Variants in RIMS2 observed in about 807,000 individuals in gnomAD.
The protein encoded by RIMS2 is regulating synaptic membrane exocytosis 2, also known as regulating synaptic membrane exocytosis protein 2.
RIMS2 carries 59 observed loss-of-function variants against 174.4 expected under a neutral mutation model. The observed-to-expected ratio is 0.34, with a 90% CI of 0.27 to 0.42. RIMS2 has a LOEUF of 0.42. Ranked by LOEUF, RIMS2 falls within the 10% of genes least tolerant of loss-of-function variation. The probability of loss-of-function intolerance (pLI) is 1.00; values close to 1 mark genes in which losing one functional copy is unlikely to be tolerated. For missense variants in RIMS2, 1,620 were observed against 1,666.3 expected (o/e 0.97, Z 0.48); for synonymous variants, 606 against 572.5 (o/e 1.06, Z -0.84).
chr8:104,065,729 A>G (rs188053256), intron 19 of RIMS2, among the ~76,000 whole-genome samples: 122 of 152,288 alleles, frequency 8.0e-4, no homozygotes, highest in African/African-American at 2.8e-3. Flanking sequence ...GCTGACTGAA[A>G]TAGTCGTTTG....
intron 3 of RIMS2, among the ~76,000 whole-genome samples, chr8:103,791,666 C>G (rs919167578): frequency 5.9e-5 from 9 of 152,226 alleles, no homozygotes; most frequent in African/African-American, 2.2e-4. Context: ...ATGCTGTGTT[C>G]AGGAGAACCA....
chr8:104,041,342 AAGG>A, intron 19 of RIMS2: 2 of 697,584 alleles, frequency 2.9e-6, no homozygotes, highest in Non-Finnish European at 5.3e-6. Flanking sequence ...TGGACTCTAC[AAGG>A]AGAAGATATG....
chr8:103,609,988 A>T (rs2095310543), intron 1 of RIMS2, among the ~76,000 whole-genome samples: 1 of 152,032 alleles, frequency 6.6e-6, no homozygotes, highest in Admixed American at 6.5e-5. Context: ...CTATTTGGTT[A>T]TGTCATCTCT....
intron 1 of RIMS2, among the ~76,000 whole-genome samples, chr8:103,588,417 T>C (rs1226407416): frequency 6.6e-6 from 1 of 151,844 alleles, no homozygotes; most frequent in Non-Finnish European, 1.5e-5. Flanking sequence ...ATCCTAAAAT[T>C]TATATGGAAC....
intron 1 of RIMS2, among the ~76,000 whole-genome samples, chr8:103,679,091 T>A (rs796070256): frequency 1.5e-4 from 23 of 152,092 alleles, no homozygotes; most frequent in African/African-American, 5.1e-4. Flanking sequence ...AATGGTAAGT[T>A]TCCATGAAGA....
At chr8:103,940,696 CA>C (rs2082324827) in intron 13 of RIMS2, among the ~76,000 whole-genome samples, 1 of 151,780 alleles carries the variant, frequency 6.6e-6, no homozygotes, top group Non-Finnish European at 1.5e-5. Flanking sequence ...ACCAGTGTGG[CA>C]AAAACCTGTC....
chr8:103,743,833 T>C (rs77172204), intron 2 of RIMS2, among the ~76,000 whole-genome samples: 1,739 of 152,320 alleles, frequency 0.011, 23 homozygotes, highest in South Asian at 0.049. Flanking sequence ...CTTGTATTTC[T>C]AGTTTTCTAA....
chr8:104,017,602 G>A (rs938139664), intron 19 of RIMS2, among the ~76,000 whole-genome samples: 1 of 143,632 alleles, frequency 7.0e-6, no homozygotes, highest in South Asian at 2.2e-4. Flanking sequence ...TTTAGTAATA[G>A]ACCAAGTTTA....
chr8:103,885,250 T>C (rs752714528), intron 3 of RIMS2, 48 bp from the exon 7 acceptor site: 2 of 1,497,074 alleles, frequency 1.3e-6, no homozygotes, highest in Non-Finnish European at 1.8e-6. Flanking sequence ...AAATGTAAAA[T>C]TGATAAACTT....
At chr8:103,984,067 G>T (rs904743124) in intron 16 of RIMS2, among the ~76,000 whole-genome samples, 1 of 152,048 alleles carries the variant, frequency 6.6e-6, no homozygotes, top group South Asian at 2.1e-4. Context: ...CCAGCTACTC[G>T]GAAGGCTGAG....
intron 17 of RIMS2, among the ~76,000 whole-genome samples, chr8:103,994,872 T>A (rs1361771200): frequency 6.6e-6 from 1 of 152,058 alleles, no homozygotes; most frequent in Non-Finnish European, 1.5e-5. Flanking sequence ...AGGGACAAAG[T>A]TAATTATAAG....
At chr8:104,100,918 A>G (rs2097865470) in intron 19 of RIMS2, among the ~76,000 whole-genome samples, 1 of 134,974 alleles carries the variant, frequency 7.4e-6, no homozygotes, top group Non-Finnish European at 1.5e-5. Flanking sequence ...TATGTAATAT[A>G]TTATATATGT....
At chr8:104,015,137 A>G (rs1024503882) in intron 19 of RIMS2, among the ~76,000 whole-genome samples, 18 of 152,348 alleles carry the variant, frequency 1.2e-4, no homozygotes, top group African/African-American at 3.6e-4. Flanking sequence ...TGACACTCAC[A>G]TGAACATACT....
chr8:103,929,494 T>C (rs762296955), intron 11 of RIMS2, among the ~76,000 whole-genome samples: 8 of 151,878 alleles, frequency 5.3e-5, no homozygotes, highest in Non-Finnish European at 1.0e-4. Context: ...TAACATTTAT[T>C]GGAAATAAAT....
chr8:104,013,998 A>G (rs2095835961), intron 18 of RIMS2, among the ~76,000 whole-genome samples: 1 of 152,154 alleles, frequency 6.6e-6, no homozygotes, highest in Admixed American at 6.5e-5. Flanking sequence ...GTTTCTTTCT[A>G]TCGATACTAA....
At chr8:104,109,592 T>C (rs1269348830) in intron 19 of RIMS2, among the ~76,000 whole-genome samples, 1 of 152,078 alleles carries the variant, frequency 6.6e-6, no homozygotes, top group Non-Finnish European at 1.5e-5. Flanking sequence ...ATAGTAGAGA[T>C]GGGTTTAAAA....
chr8:103,629,409 T>A (rs1241078584), intron 1 of RIMS2, among the ~76,000 whole-genome samples: 1 of 152,198 alleles, frequency 6.6e-6, no homozygotes, highest in Non-Finnish European at 1.5e-5. Context: ...TTAGATTGAC[T>A]TCGGGATAAC....
rs775581856 is a variant in RIMS2, at chr8:104,088,518, C to T, written c.3334+73903C>T. Among the ~76,000 whole-genome samples, 12 of 152,074 alleles carry T rather than the reference C, an allele frequency of 7.9e-5. No individual in the cohort carries two copies. The South Asian group carries it at 1.5e-3, about 18-fold the overall frequency. On this transcript the variant is annotated intron_variant, in intron 19 of 23. Coordinates refer to ENST00000504942, the Ensembl canonical transcript of RIMS2. ...GGTATTCAGGTATCCATGTACTTCT[C>T]GATAGCATGAGACTTGTTTTTCTTC...
chr8:104,197,562 C>T (rs890595888), intron 19 of RIMS2, among the ~76,000 whole-genome samples: 1 of 152,158 alleles, frequency 6.6e-6, no homozygotes, highest in Non-Finnish European at 1.5e-5. Context: ...GAAGACAAAC[C>T]TTCTTTATTT....
Sources: allele counts gnomAD v4.1 joint callset (sites outside exome capture counted in the v4.1 genomes callset), GRCh38; gene constraint gnomAD v4.1.1; transcripts MANE v1.5; gene names NCBI Gene and HGNC (gene_info 2026-07-23, HGNC 2026-07-21).